ANO3: variants seen among roughly 807,000 people sequenced by gnomAD.
ANO3 encodes anoctamin 3, also known as anoctamin-3.
Under a neutral mutation model 144.8 loss-of-function variants are expected in ANO3, and 99 were observed. The observed-to-expected ratio is 0.68, with a 90% CI of 0.58 to 0.81. ANO3 has a LOEUF of 0.81. Ranked by LOEUF, ANO3 falls within the 30% of genes least tolerant of loss-of-function variation. ANO3 has a pLI of 0.00. For synonymous variants in ANO3, 414 were observed against 392.6 expected, an observed-to-expected ratio of 1.05 and a Z score of -0.64; for missense variants, 905 against 1,202.2, an observed-to-expected ratio of 0.75 and a Z score of 3.66.
rs376665203 is a variant in ANO3 at position 26,227,469 on chromosome 11, G to C, written c.154+38139G>C. 2.9e-3 allele frequency among the ~76,000 whole-genome samples: 438 copies of C among 152,172 alleles called. 29 individuals are homozygous for C. The South Asian group carries it at 0.089, about 31-fold the overall frequency. On this transcript the variant is annotated intron_variant, in intron 1 of 27. Coordinates refer to the ANO3 transcript ENST00000672621. ...GAGTATGCATGTGTATATATTTTCT[G>C]TTCTTTCTCAGGAAATGATCAAGGT...
intron 24 of ANO3, among the ~76,000 whole-genome samples, chr11:26,653,688 T>G (rs1853601961): frequency 6.6e-6 from 1 of 151,812 alleles, no homozygotes; most frequent in South Asian, 2.1e-4. Context: ...TGCCAAGGTC[T>G]CTGCTTTTTC....
At chr11:26,190,846 C>A (rs935885858) in intron 1 of ANO3, among the ~76,000 whole-genome samples, 1 of 152,188 alleles carries the variant, frequency 6.6e-6, no homozygotes, top group Non-Finnish European at 1.5e-5. Context: ...CTCAACACAT[C>A]CCAGTTGAAA....
chr11:26,436,265 G>T, intron 1 of ANO3, among the ~76,000 whole-genome samples: 1 of 152,318 alleles, frequency 6.6e-6, no homozygotes, highest in African/African-American at 2.4e-5. Flanking sequence ...AGAGAGCAAA[G>T]ATGGTAACCT....
intron 1 of ANO3, among the ~76,000 whole-genome samples, chr11:26,191,147 A>T (rs1382378967): frequency 6.6e-6 from 1 of 151,998 alleles, no homozygotes; most frequent in Non-Finnish European, 1.5e-5. Flanking sequence ...GTGGTGGCAC[A>T]TGCCTGTAAT....
chr11:26,340,151 G>A (rs1446466316), intron 1 of ANO3, among the ~76,000 whole-genome samples: 1 of 151,794 alleles, frequency 6.6e-6, no homozygotes, highest in Non-Finnish European at 1.5e-5. Flanking sequence ...CTGACCAAAG[G>A]CATTTCCTAA....
chr11:26,642,400 G>A (rs2133061673), intron 22 of ANO3, among the ~76,000 whole-genome samples: 1 of 137,996 alleles, frequency 7.2e-6, no homozygotes, highest in Admixed American at 7.9e-5. Flanking sequence ...CAACCAGGCT[G>A]GAGTGCAGTG....
chr11:26,612,809 T>C (rs1268508754), intron 17 of ANO3, among the ~76,000 whole-genome samples: 1 of 152,118 alleles, frequency 6.6e-6, no homozygotes, highest in East Asian at 1.9e-4. Context: ...TTCAGCACTT[T>C]AAATATAACA....
chr11:26,580,688 C>T (rs909791570), intron 14 of ANO3, among the ~76,000 whole-genome samples: 1 of 152,160 alleles, frequency 6.6e-6, no homozygotes, highest in Non-Finnish European at 1.5e-5. Context: ...TACACTATAT[C>T]TACAAATTCA....
intron 4 of ANO3, among the ~76,000 whole-genome samples, chr11:26,501,920 G>A (rs1288789320): frequency 6.6e-6 from 1 of 152,156 alleles, no homozygotes; most frequent in Non-Finnish European, 1.5e-5. Context: ...TCAGGAGTTG[G>A]TGAGGTTCTC....
chr11:26,326,015 A>G (rs1043503623), intron 1 of ANO3, among the ~76,000 whole-genome samples: 8 of 152,136 alleles, frequency 5.3e-5, no homozygotes, highest in African/African-American at 1.9e-4. Context: ...CTTTCCACAT[A>G]TCTCTGCTAA....
intron 1 of ANO3, among the ~76,000 whole-genome samples, chr11:26,231,446 A>G (rs12801876): frequency 0.32 from 48,773 of 152,062 alleles, 8,565 homozygotes; most frequent in Non-Finnish European, 0.38. Flanking sequence ...GGAGAATCAC[A>G]GCCTGGGATC....
chr11:26,266,291 G>A (rs1203802389), intron 1 of ANO3, among the ~76,000 whole-genome samples: 1 of 151,852 alleles, frequency 6.6e-6, no homozygotes, highest in African/African-American at 2.4e-5. Flanking sequence ...GATTTTAAAG[G>A]TTTATTAATT....
intron 1 of ANO3, among the ~76,000 whole-genome samples, chr11:26,212,589 A>G (rs900422105): frequency 6.6e-6 from 1 of 152,252 alleles, no homozygotes; most frequent in East Asian, 1.9e-4. Context: ...ACCAGGAAGA[A>G]GCTGAATCCC....
chr11:26,252,213 G>A (rs12287081), intron 1 of ANO3, among the ~76,000 whole-genome samples: 2,196 of 152,228 alleles, frequency 0.014, 44 homozygotes, highest in African/African-American at 0.05. Flanking sequence ...TGACATATTT[G>A]TTTTGTAACT....
intron 1 of ANO3, among the ~76,000 whole-genome samples, chr11:26,230,879 GTTTTTTTCTTTTTTTT>G (rs1177417397): frequency 8.0e-6 from 1 of 124,458 alleles, no homozygotes; most frequent in Non-Finnish European, 1.7e-5. Flanking sequence ...CTTCCCAGAA[GTTTTTTTCTTTTTTTT>G]TTTTTTTCTT....
chr11:26,608,693 C>T (rs897595240), intron 17 of ANO3, among the ~76,000 whole-genome samples: 5 of 152,092 alleles, frequency 3.3e-5, no homozygotes, highest in African/African-American at 1.2e-4. Context: ...AGGGATGGGT[C>T]AGGGTAAGGC....
intron 4 of ANO3, among the ~76,000 whole-genome samples, chr11:26,471,096 T>G (rs778161442): frequency 3.3e-5 from 5 of 151,938 alleles, no homozygotes; most frequent in Non-Finnish European, 7.4e-5. Context: ...TTCAATGACA[T>G]TAGGTAGTAA....
At chr11:26,354,622 C>A (rs1251471420) in intron 1 of ANO3, among the ~76,000 whole-genome samples, 1 of 152,158 alleles carries the variant, frequency 6.6e-6, no homozygotes, top group Non-Finnish European at 1.5e-5. Context: ...CTGGTACATT[C>A]TTCCATATTT....
chr11:26,404,933 ATGTGTGTGTGTGTGTGTG>A lies in ANO3; in HGVS notation c.47-36955_47-36938del, dbSNP rs56103536. On this transcript the variant is annotated intron_variant, in intron 1 of 26. Transcript: ENST00000256737. ...TAATTTCAGCAAGGAATTTATATAT[ATGTGTGTGTGTGTGTGTG>A]TGTGTGTGTGTGTGTGTGTGTGTGT... is the stretch of plus-strand genomic sequence containing the variant. 3.7e-4 allele frequency among the ~76,000 whole-genome samples: 54 copies of A among 146,274 alleles called. 1 individual carries two copies. The East Asian group carries it at 8.5e-3, about 23-fold the overall frequency.
Sources: allele counts gnomAD v4.1 joint callset (sites outside exome capture counted in the v4.1 genomes callset), GRCh38; gene constraint gnomAD v4.1.1; transcripts MANE v1.5; gene names NCBI Gene and HGNC (gene_info 2026-07-23, HGNC 2026-07-21).